ANKFN1: variants seen among roughly 807,000 people sequenced by gnomAD.
ANKFN1 encodes the protein ankyrin repeat and fibronectin type-III domain-containing protein 1.
ANKFN1 carries 74 observed loss-of-function variants against 108.7 expected under a neutral mutation model. The observed-to-expected ratio is 0.68, with a 90% CI of 0.56 to 0.83. ANKFN1 has a LOEUF of 0.83. Among genes scored for constraint, ANKFN1 ranks in the 40% least tolerant of loss-of-function variants. The pLI is 0.00. For missense variants in ANKFN1, 1,505 were observed against 1,382.3 expected, an observed-to-expected ratio of 1.09 and a Z score of -1.41; for synonymous variants, 547 against 516.2, an observed-to-expected ratio of 1.06 and a Z score of -0.81.
intron 4 of ANKFN1, among the ~76,000 whole-genome samples, chr17:56,102,342 C>T (rs1905664022): frequency 6.6e-6 from 1 of 152,128 alleles, no homozygotes; most frequent in African/African-American, 2.4e-5. Context: ...CTATACTAGT[C>T]TATACTAGAC....
intron 4 of ANKFN1, among the ~76,000 whole-genome samples, chr17:56,126,478 G>A (rs1906941756): frequency 6.6e-6 from 1 of 152,082 alleles, no homozygotes. Flanking sequence ...TACATTCCTT[G>A]GATGGCTCCA....
intron 4 of ANKFN1, among the ~76,000 whole-genome samples, chr17:56,063,611 T>C (rs1905013501): frequency 6.6e-6 from 1 of 151,984 alleles, no homozygotes; most frequent in Non-Finnish European, 1.5e-5. Context: ...TCATTTATGT[T>C]CCTCTCTAAA....
intron 1 of ANKFN1, among the ~76,000 whole-genome samples, chr17:56,204,421 A>G (rs1257257422): frequency 1.3e-5 from 2 of 152,026 alleles, no homozygotes. Context: ...ATTCACTGCA[A>G]CTTCTGCCTC....
chr17:56,068,954 T>A (rs557501953), intron 4 of ANKFN1, among the ~76,000 whole-genome samples: 2 of 152,330 alleles, frequency 1.3e-5, no homozygotes, highest in African/African-American at 4.8e-5. Flanking sequence ...AATTTCTCAA[T>A]GAATTAGATA....
At chr17:56,354,092 C>T in intron 6 of ANKFN1, 46 bp downstream of exon 6, 1 of 1,574,888 alleles carries the variant, frequency 6.3e-7, no homozygotes, top group Non-Finnish European at 8.7e-7. Flanking sequence ...AGCCAGATTC[C>T]AGCCTTATGC....
chr17:56,357,795 G>C (rs562817798), intron 6 of ANKFN1, among the ~76,000 whole-genome samples: 13 of 152,206 alleles, frequency 8.5e-5, no homozygotes, highest in African/African-American at 3.1e-4. Context: ...ATATAAGAGA[G>C]GAAAATTAAT....
intron 3 of ANKFN1, among the ~76,000 whole-genome samples, chr17:56,303,988 A>G (rs767219346): frequency 4.2e-4 from 63 of 151,692 alleles, no homozygotes; most frequent in Non-Finnish European, 1.5e-4. Context: ...GAGCCACCAT[A>G]CCTGGCCAGA....
chr17:56,397,536 C>T (rs1436902944), intron 8 of ANKFN1, among the ~76,000 whole-genome samples: 1 of 152,154 alleles, frequency 6.6e-6, no homozygotes, highest in Non-Finnish European at 1.5e-5. Context: ...GACTGATGAA[C>T]CCGTCAAGAA....
rs2046896326 is a variant in ANKFN1 at position 56,374,597 on chromosome 17, C to T, written c.797-4C>T. The T allele has an allele frequency of 6.2e-7, 1 of 1,608,676 alleles. No homozygotes were observed. Among genetic ancestry groups the T allele is most frequent in the African/African-American group, 1.3e-5 (1 of 74,720 alleles). On this transcript the variant is annotated splice_region_variant and splice_polypyrimidine_tract_variant and intron_variant, in intron 7 of 20. Transcript: ENST00000682825. ...AGATCCTTGTGTTTTTCCTTCTGTC[C>T]CAGGAGCCCCTGAGATGCCAACCAA...
rs78079842 is a variant in ANKFN1 at position 56,465,771 on chromosome 17, A to C, written c.1558-585A>C. ...GTTGACCCAGTTTATAAGCAATTTT[A>C]ACAGATTTTTAAATAAACAGAAGCC... On this transcript the variant is annotated intron_variant, in intron 14 of 20. Coordinates refer to ENST00000682825, the MANE Select transcript of ANKFN1 (RefSeq NM_001370326.1). 2.6e-5 allele frequency among the ~76,000 whole-genome samples: 4 copies of C among 152,326 alleles called. No homozygotes were observed. In the East Asian group the frequency reaches 7.7e-4, roughly 29 times the overall value.
In ANKFN1 at chr17:56,440,125, C is replaced by T. The variant is rs548057477; in HGVS notation, c.911-202C>T. Among the ~76,000 whole-genome samples the T allele has an allele frequency of 2.6e-5, 4 of 152,130 alleles. No homozygotes were observed. In the South Asian group the frequency reaches 8.3e-4, roughly 32 times the overall value. ...TAAGTTTTTATTATTCTTTTCTGCTCTTCTTTTAAAAAAAATGTGAACTTG... is the reference window on the plus strand; with the variant it reads ...TAAGTTTTTATTATTCTTTTCTGCTTTTCTTTTAAAAAAAATGTGAACTTG... On this transcript the variant is annotated intron_variant, in intron 8 of 20. Transcript: ENST00000682825.
At chr17:56,182,368 G>A (rs1011052326) in intron 1 of ANKFN1, among the ~76,000 whole-genome samples, 1 of 152,180 alleles carries the variant, frequency 6.6e-6, no homozygotes, top group African/African-American at 2.4e-5. Context: ...TACTACTCCA[G>A]TGAAAACACA....
chr17:56,307,719 C>T (rs1406039577), intron 3 of ANKFN1, among the ~76,000 whole-genome samples: 1 of 152,156 alleles, frequency 6.6e-6, no homozygotes, highest in Non-Finnish European at 1.5e-5. Context: ...CCAGCCATCC[C>T]ATTACTGGGT....
chr17:56,048,399 G>T, intron 4 of ANKFN1, among the ~76,000 whole-genome samples: 1 of 152,186 alleles, frequency 6.6e-6, no homozygotes, highest in East Asian at 1.9e-4. Context: ...TCTCTGAAAC[G>T]TGTTTCTATT....
At chr17:56,383,213 C>T (rs1325743548) in intron 8 of ANKFN1, among the ~76,000 whole-genome samples, 1 of 152,074 alleles carries the variant, frequency 6.6e-6, no homozygotes, top group African/African-American at 2.4e-5. Context: ...ACCGAACAAC[C>T]TGCTCCTGAA....
intron 4 of ANKFN1, among the ~76,000 whole-genome samples, chr17:56,095,496 C>T (rs1209333242): frequency 2.1e-5 from 3 of 143,368 alleles, no homozygotes; most frequent in Non-Finnish European, 4.7e-5. Flanking sequence ...GAGATGGGAT[C>T]TTGCTATTTT....
intron 4 of ANKFN1, among the ~76,000 whole-genome samples, chr17:56,058,475 T>G (rs1416733653): frequency 6.6e-6 from 1 of 152,236 alleles, no homozygotes; most frequent in Non-Finnish European, 1.5e-5. Flanking sequence ...TTTTCTTTTT[T>G]ACTTTAAGTT....
intron 4 of ANKFN1, among the ~76,000 whole-genome samples, chr17:56,127,927 A>G (rs1341560513): frequency 2.0e-5 from 3 of 152,148 alleles, no homozygotes; most frequent in Non-Finnish European, 4.4e-5. Context: ...TTTTCCTTTC[A>G]ATGAGTCTCT....
chr17:56,474,616 C>T (rs2050437124), intron 15 of ANKFN1, among the ~76,000 whole-genome samples: 1 of 152,132 alleles, frequency 6.6e-6, no homozygotes, highest in Non-Finnish European at 1.5e-5. Flanking sequence ...TTCTCCATGA[C>T]TTCTCAAAAG....
Sources: gnomAD v4.1 joint callset for allele counts (sites outside exome capture counted in the v4.1 genomes callset) on GRCh38, gnomAD v4.1.1 for gene constraint, MANE v1.5 for transcripts, NCBI Gene and HGNC (gene_info 2026-07-23, HGNC 2026-07-21) for gene names.